Variants in PSD3 observed in about 807,000 individuals in gnomAD.
PSD3 encodes pleckstrin and Sec7 domain containing 3.
Under a neutral mutation model 105.5 loss-of-function variants are expected in PSD3, and 49 were observed. The ratio of observed to expected loss-of-function variants is 0.46; its 90% CI spans 0.37 to 0.59. PSD3 has a LOEUF of 0.59. Among genes scored for constraint, PSD3 ranks in the 20% least tolerant of loss-of-function variants. The probability of loss-of-function intolerance (pLI) is 0.00; values close to 1 mark genes in which losing one functional copy is unlikely to be tolerated. For missense variants in PSD3, 1,561 were observed against 1,263.8 expected, an observed-to-expected ratio of 1.24 and a Z score of -3.57; for synonymous variants, 557 against 457.8, an observed-to-expected ratio of 1.22 and a Z score of -2.77.
chr8:18,760,372 G>C (rs534383572), intron 9 of PSD3, among the ~76,000 whole-genome samples: 1 of 151,800 alleles, frequency 6.6e-6, no homozygotes, highest in Non-Finnish European at 1.5e-5. Flanking sequence ...TTATATAGTC[G>C]AAAGGAAATT....
At chr8:19,081,440 GGTA>G (rs956721699) in intron 1 of PSD3, among the ~76,000 whole-genome samples, 101 of 152,302 alleles carry the variant, frequency 6.6e-4, no homozygotes, top group African/African-American at 2.3e-3. Flanking sequence ...CTGGACTGGG[GGTA>G]GACAACTTGA....
At chr8:18,628,014 G>A (rs929122394) in intron 11 of PSD3, among the ~76,000 whole-genome samples, 5 of 151,914 alleles carry the variant, frequency 3.3e-5, no homozygotes, top group African/African-American at 1.2e-4. Context: ...GAACTTCAAA[G>A]ATAAACATGC....
chr8:18,945,700 G>A (rs1316305051), intron 1 of PSD3, among the ~76,000 whole-genome samples: 1 of 152,186 alleles, frequency 6.6e-6, no homozygotes, highest in Non-Finnish European at 1.5e-5. Flanking sequence ...AGTCAGCTGG[G>A]CGTGGTGGCT....
At chr8:18,574,384 G>C (rs946171054) in intron 13 of PSD3, among the ~76,000 whole-genome samples, 1 of 152,086 alleles carries the variant, frequency 6.6e-6, no homozygotes. Context: ...AAAAATCAGG[G>C]AACAGAATAA....
At chr8:18,837,763 A>C (rs1270750866) in intron 4 of PSD3, among the ~76,000 whole-genome samples, 2 of 152,082 alleles carry the variant, frequency 1.3e-5, no homozygotes, top group Non-Finnish European at 2.9e-5. Flanking sequence ...AGATGACAAG[A>C]CCCCGTCCCT....
intron 1 of PSD3, among the ~76,000 whole-genome samples, chr8:18,951,123 G>A (rs1391430382): frequency 6.6e-6 from 1 of 152,166 alleles, no homozygotes; most frequent in Non-Finnish European, 1.5e-5. Flanking sequence ...AAAAGGGCAT[G>A]GTGGCTCATA....
At position 18,529,795 on chromosome 8, in the gene PSD3, C is replaced by T. The variant is rs977552342; in HGVS notation, c.*5948G>A. The T allele has an allele frequency of 2.6e-5, 4 of 152,622 alleles. No individual in the cohort carries two copies. The highest frequency in any genetic ancestry group is 5.9e-5 in the Non-Finnish European group (4 of 68,036). The allele number at this position is 152,622 out of a possible 1,614,324, so 9.5% of individuals were successfully genotyped here. A position where few individuals can be genotyped will look rare whatever the true frequency, so the allele number is the denominator to read the frequency against. On this transcript the variant is annotated 3_prime_UTR_variant, in exon 16 of 16. Transcript: ENST00000327040. ...AAAATGAAACGTTTTGCTTCTCCTA[C>T]TCCTTTTCTACATGATTTTTGAATC...
intron 10 of PSD3, among the ~76,000 whole-genome samples, chr8:18,639,324 G>C (rs1443768684): frequency 6.6e-6 from 1 of 152,004 alleles, no homozygotes; most frequent in African/African-American, 2.4e-5. Context: ...GAGCACATGT[G>C]AAGTTCTTTC....
At chr8:19,058,711 G>A (rs959229832) in intron 1 of PSD3, among the ~76,000 whole-genome samples, 1 of 152,120 alleles carries the variant, frequency 6.6e-6, no homozygotes. Flanking sequence ...GTTTGGAGAT[G>A]TTTCTGGAAA....
At chr8:18,772,671 G>A (rs1807651073) in intron 8 of PSD3, among the ~76,000 whole-genome samples, 1 of 151,978 alleles carries the variant, frequency 6.6e-6, no homozygotes, top group South Asian at 2.1e-4. Flanking sequence ...ATCATGCCCG[G>A]CTAATTTTTT....
At chr8:18,742,320 C>T (rs888895302) in intron 9 of PSD3, among the ~76,000 whole-genome samples, 1 of 152,112 alleles carries the variant, frequency 6.6e-6, no homozygotes, top group Non-Finnish European at 1.5e-5. Context: ...ACCACAAAGA[C>T]AGACGGGCCT....
chr8:18,630,194 A>G (rs891998224), intron 11 of PSD3, among the ~76,000 whole-genome samples: 5 of 151,598 alleles, frequency 3.3e-5, no homozygotes, highest in African/African-American at 1.2e-4. Context: ...ACTTGCTACA[A>G]AGACAAAAGC....
At chr8:18,663,884 G>C (rs552422376) in intron 9 of PSD3, among the ~76,000 whole-genome samples, 1 of 152,242 alleles carries the variant, frequency 6.6e-6, no homozygotes, top group Admixed American at 6.5e-5. Context: ...CAGCAGCACA[G>C]TTTCACTTTG....
At chr8:19,015,891 A>C (rs1462703304), upstream of PSD3, among the ~76,000 whole-genome samples, 1 of 152,222 alleles carries the variant, frequency 6.6e-6, no homozygotes, top group Non-Finnish European at 1.5e-5. Flanking sequence ...TTATCCCTGA[A>C]GCCAAAATAT....
At chr8:18,566,370 C>T (rs537082800) in intron 14 of PSD3, among the ~76,000 whole-genome samples, 13 of 151,688 alleles carry the variant, frequency 8.6e-5, no homozygotes, top group South Asian at 4.2e-4. Flanking sequence ...ACTAAAAATA[C>T]GAAAAATTAG....
intron 2 of PSD3, among the ~76,000 whole-genome samples, chr8:18,903,603 T>C (rs1563402912): frequency 6.6e-6 from 1 of 152,082 alleles, no homozygotes; most frequent in Non-Finnish European, 1.5e-5. Context: ...ACTTCCCTGT[T>C]ATATGGGGTG....
intron 10 of PSD3, among the ~76,000 whole-genome samples, chr8:18,646,795 G>T (rs1808069656): frequency 6.6e-6 from 1 of 151,960 alleles, no homozygotes; most frequent in African/African-American, 2.4e-5. Context: ...AATGAAATGA[G>T]AATCAATGCT....
intron 8 of PSD3, among the ~76,000 whole-genome samples, chr8:18,788,037 G>C (rs746629397): frequency 6.6e-6 from 1 of 152,142 alleles, no homozygotes; most frequent in African/African-American, 2.4e-5. Context: ...ACTGGGTTTG[G>C]CTATTTACGA....
chr8:18,921,686 A>G (rs1482409899), intron 2 of PSD3, among the ~76,000 whole-genome samples: 1 of 152,234 alleles, frequency 6.6e-6, no homozygotes, highest in African/African-American at 2.4e-5. Flanking sequence ...TGGGGTTGCA[A>G]AGTGTGACAT....
Sources: gnomAD v4.1 joint callset for allele counts (sites outside exome capture counted in the v4.1 genomes callset) on GRCh38, gnomAD v4.1.1 for gene constraint, MANE v1.5 for transcripts, NCBI Gene and HGNC (gene_info 2026-07-23, HGNC 2026-07-21) for gene names.